The following MAPK6 variants were observed in gnomAD, a reference collection of about 807,000 sequenced individuals.
MAPK6 encodes the protein ERK-3.
A neutral mutation model predicts 59.3 loss-of-function variants in MAPK6; 19 were observed. The observed-to-expected ratio is 0.32, with a 90% CI of 0.22 to 0.47. The LOEUF (loss-of-function observed/expected upper bound fraction) is 0.47. Ranked by LOEUF, MAPK6 falls within the 20% of genes least tolerant of loss-of-function variation. The pLI is 1.00. For missense variants in MAPK6, 724 were observed against 847.9 expected, an observed-to-expected ratio of 0.85 and a Z score of 1.81; for synonymous variants, 316 against 290.3, an observed-to-expected ratio of 1.09 and a Z score of -0.90.
intron 2 of MAPK6, among the ~76,000 whole-genome samples, chr15:51,999,596 T>G (rs915853147): frequency 6.6e-6 from 1 of 152,186 alleles, no homozygotes; most frequent in Non-Finnish European, 1.5e-5. Context: ...AACTTTCCTT[T>G]TTTTAAGGTT....
chr15:52,017,652 A>C (rs2030312750), upstream of MAPK6: 1 of 152,252 alleles, frequency 6.6e-6, no homozygotes, highest in African/African-American at 2.4e-5. Flanking sequence ...ATTGTAAGCC[A>C]ACTTTGCATT....
chr15:52,064,376 G>A lies in MAPK6; in HGVS notation c.1542G>A (p.Leu514=). The A allele has an allele frequency of 1.2e-6, 2 of 1,611,888 alleles. No individual in the cohort carries two copies. The highest frequency in any genetic ancestry group is 1.7e-6 in the Non-Finnish European group (2 of 1,179,812). The part of the protein sequence containing the change: ...QIALEEASQQ[L]AGKEREKNQG... ...CGCTAGAGGAAGCATCACAGCAACT[G>A]GCTGGAAAAGAAAGGGAAAAGAATC... Residue 514 remains leucine, a synonymous_variant, in exon 6 of 6, where the codon CTG becomes CTA. Transcript: ENST00000261845.
chr15:52,036,789 C>CA (rs2031255218), intron 1 of MAPK6, among the ~76,000 whole-genome samples: 3 of 151,840 alleles, frequency 2.0e-5, no homozygotes, highest in African/African-American at 7.3e-5. Flanking sequence ...TCTTTCCTTC[C>CA]TTCCTTTTTC....
rs1028744720 is a variant in MAPK6, at chr15:52,065,843, GTGTTCATTTTAA to G, written c.*844_*855del. 4 of 152,514 alleles carry G rather than the reference GTGTTCATTTTAA, an allele frequency of 2.6e-5. No individual in the cohort carries two copies. The highest frequency in any genetic ancestry group is 4.8e-5 in the African/African-American group (2 of 41,406). 9.4% of individuals were successfully genotyped at this position (152,514 alleles called of 1,614,324 possible). On this transcript the variant is annotated 3_prime_UTR_variant, in exon 6 of 6. Transcript: ENST00000261845. ...CTGTCCACGTACTTAATTTACTTAA[GTGTTCATTTTAA>G]GTAACGTGCTCACTGTGTATAGGAA...
At chr15:52,052,556 C>G (rs1300821271) in intron 3 of MAPK6, among the ~76,000 whole-genome samples, 1 of 146,034 alleles carries the variant, frequency 6.8e-6, no homozygotes, top group Non-Finnish European at 1.5e-5. Context: ...CATTAGCAGT[C>G]ACTTCTCATT....
intron 1 of MAPK6, among the ~76,000 whole-genome samples, chr15:51,972,299 C>T (rs1282229745): frequency 3.3e-5 from 5 of 152,036 alleles, no homozygotes; most frequent in Admixed American, 2.0e-4. Context: ...CCACCACACC[C>T]GGCTAATTTT....
rs1239452438 is a variant in MAPK6 at position 52,066,876 on chromosome 15, G to T, written c.*1876G>T. On this transcript the variant is annotated 3_prime_UTR_variant, in exon 6 of 6. Transcript: ENST00000261845. Reference sequence around the variant, plus strand: ...TACTCAAATTACCTTAAGAGGACAAGCTCTGAAGTGCAGTCATGAGAATTG... The same window carrying T: ...TACTCAAATTACCTTAAGAGGACAATCTCTGAAGTGCAGTCATGAGAATTG... 3 of 151,760 alleles carry T rather than the reference G, an allele frequency of 2.0e-5. No homozygotes were observed. Among genetic ancestry groups the T allele is most frequent in the African/African-American group, 7.3e-5 (3 of 41,272 alleles). The allele number at this position is 151,760 out of a possible 1,614,324, so 9.4% of individuals were successfully genotyped here. A position where few individuals can be genotyped will look rare whatever the true frequency, so the allele number is the denominator to read the frequency against.
At chr15:52,060,276 C>A (rs775181892) in intron 4 of MAPK6, among the ~76,000 whole-genome samples, 2 of 152,084 alleles carry the variant, frequency 1.3e-5, no homozygotes, top group Non-Finnish European at 2.9e-5. Flanking sequence ...AGGGTTCTTT[C>A]TAGAGTACAG....
At chr15:52,057,187 TAGA>T in intron 3 of MAPK6, 1 of 152,272 alleles carries the variant, frequency 6.6e-6, no homozygotes, top group Non-Finnish European at 1.5e-5. Context: ...TCTCTCCTGT[TAGA>T]AGGACCTTCT....
intron 1 of MAPK6, among the ~76,000 whole-genome samples, chr15:52,028,885 A>G (rs2030917307): frequency 6.6e-6 from 1 of 152,226 alleles, no homozygotes; most frequent in Non-Finnish European, 1.5e-5. Flanking sequence ...ACTCTAGTCA[A>G]GGTTGCCAGT....
At chr15:52,026,300 CGTT>C (rs1033703225) in intron 1 of MAPK6, among the ~76,000 whole-genome samples, 4 of 151,844 alleles carry the variant, frequency 2.6e-5, no homozygotes, top group East Asian at 1.9e-4. Context: ...TTGTTGTTGT[CGTT>C]GTTTTGAGAC....
chr15:52,056,358 C>A (rs538117133), intron 3 of MAPK6, among the ~76,000 whole-genome samples: 1 of 152,196 alleles, frequency 6.6e-6, no homozygotes, highest in African/African-American at 2.4e-5. Context: ...TCCAGTCTTA[C>A]AAAATAATCT....
rs2032440437 is a variant in MAPK6, at chr15:52,066,953, G to A, written c.*1953G>A. ...ACTTTTAGTTGGAGCTGGGTGGGGT[G>A]ACAAGTGCAGAGGCTTTGAGTGTCA... is the stretch of plus-strand genomic sequence containing the variant. On this transcript the variant is annotated 3_prime_UTR_variant, in exon 6 of 6. Transcript: ENST00000261845. 6.6e-6 allele frequency: 1 copy of A among 152,202 alleles called. No homozygotes were observed. The highest frequency in any genetic ancestry group is 2.4e-5 in the African/African-American group (1 of 41,450). 9.4% of individuals were successfully genotyped at this position (152,202 alleles called of 1,614,324 possible).
chr15:52,057,821 T>G (rs2032041603), intron 3 of MAPK6, among the ~76,000 whole-genome samples: 1 of 152,212 alleles, frequency 6.6e-6, no homozygotes, highest in Non-Finnish European at 1.5e-5. Context: ...GCCATCACCC[T>G]TAGCTTACTC....
chr15:52,049,199 A>G (rs2031696637), intron 2 of MAPK6, among the ~76,000 whole-genome samples: 1 of 152,182 alleles, frequency 6.6e-6, no homozygotes, highest in Non-Finnish European at 1.5e-5. Context: ...GAGGTCATTA[A>G]GGAGGTAGAC....
chr15:52,002,564 A>G (rs2057245085), intron 2 of MAPK6, among the ~76,000 whole-genome samples: 1 of 152,222 alleles, frequency 6.6e-6, no homozygotes, highest in Non-Finnish European at 1.5e-5. Context: ...AAGATTGGGC[A>G]GAGGGTGAAG....
chr15:52,000,141 G>A lies in MAPK6; in HGVS notation c.-769-4124G>A, dbSNP rs376300672. Among the ~76,000 whole-genome samples, 40 of 151,864 alleles carry A rather than the reference G, an allele frequency of 2.6e-4. 5 individuals carry two copies. The highest frequency in any genetic ancestry group is 1.4e-3 in the Admixed American group (22 of 15,230). ...TTTTTAAGAGATTGGGTCTCTCTGT[G>A]TTGCCCAGGGTTGTCTCAAGCTCTT... On this transcript the variant is annotated intron_variant, in intron 2 of 7. Coordinates refer to the MAPK6 transcript ENST00000691380.
intron 1 of MAPK6, among the ~76,000 whole-genome samples, chr15:52,043,734 G>C (rs925996765): frequency 3.4e-5 from 4 of 116,528 alleles, no homozygotes; most frequent in Non-Finnish European, 5.4e-5. Flanking sequence ...TTGGACTTAA[G>C]TTGTTTGATT....
At chr15:52,055,632 C>T (rs2031949784) in intron 3 of MAPK6, among the ~76,000 whole-genome samples, 1 of 152,196 alleles carries the variant, frequency 6.6e-6, no homozygotes, top group African/African-American at 2.4e-5. Context: ...TCTCCTGCCT[C>T]AGCCTCCCGA....
Sources: gnomAD v4.1 joint callset for allele counts (sites outside exome capture counted in the v4.1 genomes callset) on GRCh38, gnomAD v4.1.1 for gene constraint, MANE v1.5 for transcripts, NCBI Gene and HGNC (gene_info 2026-07-23, HGNC 2026-07-21) for gene names.